Variants in ZDHHC7 observed in about 807,000 individuals in gnomAD.
ZDHHC7 encodes palmitoyltransferase ZDHHC7.
Under a neutral mutation model 34.1 loss-of-function variants are expected in ZDHHC7, and 12 were observed. That is an observed-to-expected ratio of 0.35 (90% CI 0.23 to 0.57). The LOEUF (loss-of-function observed/expected upper bound fraction) is 0.57. ZDHHC7 is among the 20% of genes least tolerant of loss of function. The pLI is 0.84. For synonymous variants in ZDHHC7, 185 were observed against 155.4 expected (o/e 1.19, Z -1.42); for missense variants, 388 against 402.7 (o/e 0.96, Z 0.31).
chr16:84,990,886 G>A (rs144305658), intron 2 of ZDHHC7, among the ~76,000 whole-genome samples: 13 of 152,198 alleles, frequency 8.5e-5, no homozygotes, highest in South Asian at 2.1e-4. Context: ...ATGGCCAGCC[G>A]TGGCCACATA....
intron 3 of ZDHHC7, among the ~76,000 whole-genome samples, chr16:84,986,465 G>A (rs890129941): frequency 3.3e-5 from 5 of 152,204 alleles, no homozygotes; most frequent in East Asian, 3.9e-4. Context: ...GCACTCGCAC[G>A]GCTGCCGAGA....
At chr16:84,980,051 C>T (rs1239598195) in intron 4 of ZDHHC7, among the ~76,000 whole-genome samples, 1 of 150,710 alleles carries the variant, frequency 6.6e-6, no homozygotes, top group Non-Finnish European at 1.5e-5. Flanking sequence ...AGCTCTGCCT[C>T]CCGGGTTCAC....
At chr16:85,015,622 A>T (rs974889518), upstream of ZDHHC7, among the ~76,000 whole-genome samples, 1 of 151,978 alleles carries the variant, frequency 6.6e-6, no homozygotes, top group Non-Finnish European at 1.5e-5. Context: ...GGGCCAAGGC[A>T]GGAGGATAGC....
intron 2 of ZDHHC7, 87 bp downstream of exon 2, chr16:84,995,835 C>A (rs2072570047): frequency 6.6e-6 from 1 of 152,170 alleles, no homozygotes; most frequent in Admixed American, 6.5e-5. Context: ...TTGCCACATG[C>A]ACAGGTTACC....
intron 1 of ZDHHC7, among the ~76,000 whole-genome samples, chr16:85,009,780 C>A (rs2072765993): frequency 1.4e-5 from 2 of 141,872 alleles, no homozygotes; most frequent in Middle Eastern, 8.4e-3. Flanking sequence ...GCGATCTTGG[C>A]TCACTGCAAG....
At chr16:85,025,899 G>C in the ZDHHC7 span, among the ~76,000 whole-genome samples, 1 of 152,134 alleles carries the variant, frequency 6.6e-6, no homozygotes, top group Non-Finnish European at 1.5e-5. Flanking sequence ...TTCATCTTTG[G>C]AGAGGTCACA....
At chr16:85,024,950 G>A in the ZDHHC7 span, among the ~76,000 whole-genome samples, 4 of 152,160 alleles carry the variant, frequency 2.6e-5, no homozygotes, top group South Asian at 2.1e-4. Flanking sequence ...GACAATATAA[G>A]CCTAGAGCTC....
At chr16:84,983,522 G>GT (rs2072397696) in intron 3 of ZDHHC7, among the ~76,000 whole-genome samples, 1 of 152,152 alleles carries the variant, frequency 6.6e-6, no homozygotes, top group Non-Finnish European at 1.5e-5. Context: ...CAGGGCAAAT[G>GT]TGAGTGTTGA....
At chr16:85,018,263 G>T in the ZDHHC7 span, among the ~76,000 whole-genome samples, 56 of 152,184 alleles carry the variant, frequency 3.7e-4, no homozygotes, top group Non-Finnish European at 7.2e-4. Flanking sequence ...AAGAGTACAT[G>T]CAATATAATA....
chr16:85,019,998 G>A, the ZDHHC7 span, among the ~76,000 whole-genome samples: 1 of 152,204 alleles, frequency 6.6e-6, no homozygotes. Flanking sequence ...AGAGTCAGAT[G>A]TAAGCCATTG....
chr16:85,006,955 A>T (rs1357102064), intron 1 of ZDHHC7, among the ~76,000 whole-genome samples: 16 of 151,850 alleles, frequency 1.1e-4, no homozygotes, highest in Non-Finnish European at 2.9e-5. Flanking sequence ...CTGCCTTGCC[A>T]AATTATTCAT....
At chr16:85,007,494 G>A (rs148256716) in intron 1 of ZDHHC7, among the ~76,000 whole-genome samples, 2 of 150,402 alleles carry the variant, frequency 1.3e-5, no homozygotes, top group Non-Finnish European at 2.9e-5. Flanking sequence ...CTAAGACAAG[G>A]ATATGTTTGT....
Position 84,990,464 on chromosome 16 carries a change from A to G in ZDHHC7, c.155T>C (p.Val52Ala), listed in dbSNP as rs771464964. 2 of 1,614,170 alleles carry G rather than the reference A, an allele frequency of 1.2e-6. No individual in the cohort carries two copies. Among genetic ancestry groups the G allele is most frequent in the East Asian group, 4.5e-5 (2 of 44,878 alleles). The change falls in exon 3 of 8, where the codon GTC becomes GCC. Residue 52 changes from valine to alanine, a missense_variant. Physicochemically the swap from Val to Ala is moderately conservative, Grantham distance 64. Transcript: ENST00000313732. The stretch of plus-strand genomic sequence containing the variant: ...ATAGGCGACCAGAAGCCACGTCATG[A>G]CAGCACAGATCATGCCGCAGCCGTC... ...IRDGCGMICA[V>A]MTWLLVAYAD...
At chr16:84,995,396 C>T (rs1346105493) in intron 2 of ZDHHC7, among the ~76,000 whole-genome samples, 3 of 152,184 alleles carry the variant, frequency 2.0e-5, no homozygotes, top group Non-Finnish European at 2.9e-5. Flanking sequence ...GAGGCCAAGG[C>T]GAGTGGATCA....
chr16:84,987,496 T>G (rs2072452288), intron 3 of ZDHHC7, among the ~76,000 whole-genome samples: 1 of 152,174 alleles, frequency 6.6e-6, no homozygotes, highest in Non-Finnish European at 1.5e-5. Flanking sequence ...TTTTTCCATT[T>G]TCTTTTTTTT....
At chr16:84,987,693 G>A (rs144993044) in intron 3 of ZDHHC7, among the ~76,000 whole-genome samples, 3 of 152,282 alleles carry the variant, frequency 2.0e-5, no homozygotes, top group East Asian at 1.9e-4. Context: ...AGCAGAACTC[G>A]CCCAGATGCC....
At chr16:85,015,800 G>T (rs1032270234), upstream of ZDHHC7, among the ~76,000 whole-genome samples, 2 of 151,182 alleles carry the variant, frequency 1.3e-5, no homozygotes, top group African/African-American at 4.9e-5. Context: ...TCCCACCACT[G>T]CACTCCAGCT....
rs1288526096 is a variant in ZDHHC7, at chr16:84,977,944, C to G, written c.599G>C (p.Cys200Ser). Residue 200 changes from cysteine (C) to serine (S), a missense_variant, in exon 6 of 8, where the codon TGT becomes TCT. By Grantham distance (112) the Cys-to-Ser change is moderately radical. Transcript: ENST00000313732. ...CTTACCAGTCCACTGCCCTCGGACA[C>G]AGGAGATGAACTGAAATCCACAAAG... ...LILCGFQFIS[C>S]VRGQWTECSD... is the part of the protein sequence containing the mutation. 1 of 1,614,028 alleles carries G rather than the reference C, an allele frequency of 6.2e-7. No homozygotes were observed. The highest frequency in any genetic ancestry group is 1.3e-5 in the African/African-American group (1 of 75,026).
chr16:85,003,814 C>T (rs555662074), intron 1 of ZDHHC7, among the ~76,000 whole-genome samples: 12 of 152,194 alleles, frequency 7.9e-5, no homozygotes, highest in Admixed American at 4.6e-4. Flanking sequence ...CACAATGAAC[C>T]GTGGAAGTGG....
Sources: gnomAD v4.1 joint callset for allele counts (sites outside exome capture counted in the v4.1 genomes callset) on GRCh38, gnomAD v4.1.1 for gene constraint, MANE v1.5 for transcripts, NCBI Gene and HGNC (gene_info 2026-07-23, HGNC 2026-07-21) for gene names.